HADHB: variants seen among roughly 807,000 people sequenced by gnomAD.
HADHB encodes the protein trifunctional enzyme subunit beta, mitochondrial.
HADHB carries 50 observed loss-of-function variants against 61.9 expected under a neutral mutation model. The ratio of observed to expected loss-of-function variants is 0.81; its 90% CI spans 0.64 to 1.02. The LOEUF (loss-of-function observed/expected upper bound fraction) is 1.02, where lower values mean the gene tolerates loss of function less well. Among genes scored for constraint, HADHB ranks in the 50% least tolerant of loss-of-function variants. The pLI, the probability that HADHB is intolerant of heterozygous loss-of-function variation, is 0.00. For synonymous variants in HADHB, 191 were observed against 201.6 expected (o/e 0.95, Z 0.45); for missense variants, 504 against 586.5 (o/e 0.86, Z 1.45).
rs747562405 is a variant in HADHB at position 26,290,384 on chromosome 2, C to T, written c.*431C>T. 15 of 195,030 alleles carry T rather than the reference C, an allele frequency of 7.7e-5. No individual in the cohort carries two copies. The highest frequency in any genetic ancestry group is 1.5e-4 in the Non-Finnish European group (14 of 93,216). 12.1% of individuals were successfully genotyped at this position (195,030 alleles called of 1,614,324 possible). A position where few individuals can be genotyped will look rare whatever the true frequency, so the allele number is the denominator to read the frequency against. Reference sequence around the variant, plus strand: ...TAATTATGGAAAAATAATTCAGAATCTAAACACCACTGAAAACTTATAAAA... The same window carrying T: ...TAATTATGGAAAAATAATTCAGAATTTAAACACCACTGAAAACTTATAAAA... On this transcript the variant is annotated 3_prime_UTR_variant, in exon 16 of 16. Transcript: ENST00000317799.
chr2:26,263,427 A>G lies in HADHB; in HGVS notation c.157A>G (p.Asn53Asp), dbSNP rs909977699. 1.2e-6 allele frequency: 2 copies of G among 1,613,524 alleles called. No individual in the cohort carries two copies. Among genetic ancestry groups the G allele is most frequent in the Non-Finnish European group, 1.7e-6 (2 of 1,179,496 alleles). Residue 53 changes from asparagine to aspartate, a missense_variant, in exon 4 of 16, where the codon AAT becomes GAT. Physicochemically the swap from Asn to Asp is conservative, Grantham distance 23. Coordinates refer to ENST00000317799, the MANE Select transcript of HADHB (RefSeq NM_000183.3). ...GACGTTAGCCAAACCCAATATAAGG[A>G]ATGTTGTGGTGGTGGATGGTGTTCG... is the stretch of plus-strand genomic sequence containing the variant. Reference protein sequence around the residue: ...KKTLAKPNIRNVVVVDGVRTP... With the variant: ...KKTLAKPNIRDVVVVDGVRTP...
chr2:26,281,410 T>C (rs1574665941), intron 10 of HADHB, among the ~76,000 whole-genome samples: 1 of 151,952 alleles, frequency 6.6e-6, no homozygotes, highest in African/African-American at 2.4e-5. Flanking sequence ...GCTAGGGGAG[T>C]GGAATCTGGA....
chr2:26,282,570 A>C (rs1392084158), intron 10 of HADHB, among the ~76,000 whole-genome samples: 1 of 152,092 alleles, frequency 6.6e-6, no homozygotes, highest in Non-Finnish European at 1.5e-5. Flanking sequence ...CTTGGCCATG[A>C]GCATTTATTT....
intron 3 of HADHB, among the ~76,000 whole-genome samples, chr2:26,258,608 G>A (rs932429478): frequency 2.6e-5 from 4 of 152,190 alleles, no homozygotes; most frequent in South Asian, 2.1e-4. Context: ...TGACAGTGGC[G>A]AACAGCAGTG....
rs1341351425 is a variant in HADHB at position 26,290,082 on chromosome 2, T to G, written c.*129T>G. On this transcript the variant is annotated 3_prime_UTR_variant, in exon 16 of 16. Transcript: ENST00000317799. ...GGAAAACAGTTCTTGTGGCCTTCTA[T>G]TAAATAGTTTGCACTTAAGCCTTGC... 5 of 779,372 alleles carry G rather than the reference T, an allele frequency of 6.4e-6. No homozygotes were observed. In the East Asian group the frequency reaches 7.3e-5, roughly 11 times the overall value. 48.3% of individuals were successfully genotyped at this position (779,372 alleles called of 1,614,324 possible).
At chr2:26,283,364 A>C (rs898709233) in intron 12 of HADHB, among the ~76,000 whole-genome samples, 1 of 152,120 alleles carries the variant, frequency 6.6e-6, no homozygotes, top group Non-Finnish European at 1.5e-5. Flanking sequence ...CTCTACTAAA[A>C]ATACAAAAAA....
chr2:26,273,691 G>T lies in HADHB; in HGVS notation c.295G>T (p.Asp99Tyr), dbSNP rs746182810. 2 of 1,610,326 alleles carry T rather than the reference G, an allele frequency of 1.2e-6. No homozygotes were observed. The highest frequency in any genetic ancestry group is 3.3e-5 in the Admixed American group (2 of 60,012). ...HRTSVPKEVVDYIIFGTVIQE... is the reference protein window; with the variant it reads ...HRTSVPKEVVYYIIFGTVIQE... ...GACCAGTGTCCCTAAGGAAGTAGTT[G>T]ATTATATCATCTTTGGTACAGTTAT... The change falls in exon 6 of 16, where the codon GAT becomes TAT. Residue 99 changes from aspartate (D) to tyrosine (Y), a missense_variant. Transcript: ENST00000317799.
At chr2:26,260,480 AC>A (rs1192219181) in intron 3 of HADHB, 1 of 155,300 alleles carries the variant, frequency 6.4e-6, no homozygotes, top group African/African-American at 2.4e-5. Flanking sequence ...AAATTTAGTG[AC>A]CTGTTTTCTG....
chr2:26,273,126 T>C (rs965141481), intron 5 of HADHB, among the ~76,000 whole-genome samples: 1 of 151,480 alleles, frequency 6.6e-6, no homozygotes, highest in African/African-American at 2.4e-5. Context: ...GTTCAGGGAG[T>C]GCTCATTCCT....
intron 6 of HADHB, among the ~76,000 whole-genome samples, chr2:26,276,489 C>T (rs1265847494): frequency 1.3e-5 from 2 of 152,156 alleles, no homozygotes; most frequent in Non-Finnish European, 2.9e-5. Flanking sequence ...ATCAGACGGT[C>T]AGTAAGAGAA....
intron 6 of HADHB, among the ~76,000 whole-genome samples, chr2:26,274,380 A>T (rs566073133): frequency 6.6e-6 from 1 of 152,336 alleles, no homozygotes; most frequent in Non-Finnish European, 1.5e-5. Flanking sequence ...CGATTGGATG[A>T]AGTTGGCACC....
intron 3 of HADHB, among the ~76,000 whole-genome samples, chr2:26,257,321 C>T (rs1006731757): frequency 4.6e-5 from 7 of 151,876 alleles, no homozygotes; most frequent in African/African-American, 1.7e-4. Context: ...GGGGTGTCAC[C>T]GTGTTAGCCA....
intron 4 of HADHB, among the ~76,000 whole-genome samples, chr2:26,267,000 G>T (rs1383185406): frequency 6.6e-6 from 1 of 150,588 alleles, no homozygotes; most frequent in Non-Finnish European, 1.5e-5. Flanking sequence ...ATTTACCTAT[G>T]AAAAATTTGG....
rs1672997052 is a variant in HADHB, at chr2:26,285,700, A to G, written c.1389+129A>G. On this transcript the variant is annotated intron_variant, in intron 15 of 15. Transcript: ENST00000317799. Reference sequence around the variant, plus strand: ...ACCTGGGGGTGGGGAGTGGGGAGGGATAACAGCTGTAATTCTGATAAAACT... The same window carrying G: ...ACCTGGGGGTGGGGAGTGGGGAGGGGTAACAGCTGTAATTCTGATAAAACT... 4 of 555,588 alleles carry G rather than the reference A, an allele frequency of 7.2e-6. No individual in the cohort carries two copies. The South Asian group carries it at 7.4e-5, about 10-fold the overall frequency. 34.4% of individuals were successfully genotyped at this position (555,588 alleles called of 1,614,324 possible).
chr2:26,258,619 G>A (rs1574646291), intron 3 of HADHB, among the ~76,000 whole-genome samples: 1 of 152,198 alleles, frequency 6.6e-6, no homozygotes, highest in Non-Finnish European at 1.5e-5. Flanking sequence ...AACAGCAGTG[G>A]TGGAAGGTGA....
At chr2:26,288,442 C>T (rs944134636) in intron 15 of HADHB, among the ~76,000 whole-genome samples, 8 of 152,040 alleles carry the variant, frequency 5.3e-5, no homozygotes. Flanking sequence ...GGTGTGGTAG[C>T]TCATGCCTGT....
intron 8 of HADHB, 44 bp downstream of exon 8, chr2:26,278,845 A>G (rs889174248): frequency 1.7e-5 from 25 of 1,508,338 alleles, no homozygotes; most frequent in African/African-American, 6.9e-5. Flanking sequence ...GAGATTTAGA[A>G]TTAGGTATGG....
chr2:26,252,032 C>T (rs1671419038), intron 1 of HADHB, among the ~76,000 whole-genome samples: 1 of 152,200 alleles, frequency 6.6e-6, no homozygotes, highest in Non-Finnish European at 1.5e-5. Context: ...GCGCTAGAGG[C>T]TCCGCTTCCA....
At chr2:26,283,104 T>C in intron 12 of HADHB, 53 bp downstream of exon 12, 2 of 1,088,692 alleles carry the variant, frequency 1.8e-6, no homozygotes, top group East Asian at 2.3e-5. Flanking sequence ...TGATTGCCTA[T>C]GTTTTATTAT....
Sources: allele counts gnomAD v4.1 joint callset (sites outside exome capture counted in the v4.1 genomes callset), GRCh38; gene constraint gnomAD v4.1.1; transcripts MANE v1.5; gene names NCBI Gene and HGNC (gene_info 2026-07-23, HGNC 2026-07-21).